Variants in IQCE observed in about 807,000 individuals in gnomAD.
The protein encoded by IQCE is IQ motif containing E, also known as IQ domain-containing protein E.
IQCE carries 115 observed loss-of-function variants against 96.0 expected under a neutral mutation model. The observed-to-expected ratio is 1.20, with a 90% CI of 1.03 to 1.40. The LOEUF (loss-of-function observed/expected upper bound fraction) is 1.40. IQCE is among the 40% of genes most tolerant of loss of function. IQCE has a pLI of 0.00. For missense variants in IQCE, 1,041 were observed against 909.1 expected (o/e 1.15, Z -1.87); for synonymous variants, 412 against 371.2 (o/e 1.11, Z -1.26).
rs1583533049 is a variant in IQCE at position 2,611,518 on chromosome 7, C to G, written c.*1356C>G. On this transcript the variant is annotated 3_prime_UTR_variant, in exon 22 of 22. Coordinates refer to ENST00000402050, the MANE Select transcript of IQCE (RefSeq NM_152558.5). The stretch of plus-strand genomic sequence containing the variant: ...GCAGCATGGCGGCCTTCTGAGTCAC[C>G]TAAGCTGAGCCTGGGTCATTCTCTG... The G allele has an allele frequency of 6.6e-6, 1 of 152,318 alleles. No individual in the cohort carries two copies. Among genetic ancestry groups the G allele is most frequent in the African/African-American group, 2.4e-5 (1 of 41,476 alleles). 9.4% of individuals were successfully genotyped at this position (152,318 alleles called of 1,614,324 possible).
At chr7:2,567,050 G>T in intron 1 of IQCE, 66 bp from the exon 2 acceptor site, 1 of 1,427,522 alleles carries the variant, frequency 7.0e-7, no homozygotes, top group Admixed American at 1.7e-5. Context: ...TTTCGCTTTT[G>T]TAAACGTGAT....
intron 2 of IQCE, 124 bp downstream of exon 2, chr7:2,567,287 C>A: frequency 1.3e-6 from 1 of 763,798 alleles, no homozygotes; most frequent in Non-Finnish European, 2.3e-6. Flanking sequence ...AATGCATATT[C>A]CGAATGCTCC....
intron 5 of IQCE, 142 bp downstream of exon 5, chr7:2,572,468 G>A (rs1429668572): frequency 9.0e-6 from 8 of 892,826 alleles, no homozygotes; most frequent in Middle Eastern, 3.3e-4. Context: ...TTGGGAGGTC[G>A]TGGGAGCAGT....
chr7:2,581,419 T>TG (rs1400788580), intron 8 of IQCE, among the ~76,000 whole-genome samples: 1 of 152,076 alleles, frequency 6.6e-6, no homozygotes, highest in Non-Finnish European at 1.5e-5. Flanking sequence ...TTGGCCAGGC[T>TG]GGTCTCAAAC....
intron 18 of IQCE, chr7:2,601,764 G>C: frequency 2.9e-6 from 1 of 340,302 alleles, no homozygotes; most frequent in Non-Finnish European, 5.4e-6. Flanking sequence ...TGGCCAGGAT[G>C]GTCTCCAACT....
Position 2,578,367 on chromosome 7 carries a change from G to A in IQCE, c.579+12G>A, listed in dbSNP as rs753028166. 5.0e-6 allele frequency: 8 copies of A among 1,613,332 alleles called. No homozygotes were observed. The South Asian group carries it at 7.7e-5, about 15-fold the overall frequency. On this transcript the variant is annotated intron_variant, in intron 7 of 21. Coordinates refer to ENST00000402050, the MANE Select transcript of IQCE (RefSeq NM_152558.5). The stretch of plus-strand genomic sequence containing the variant: ...TGGATCCCAGCCGCGTAAGCTCCTG[G>A]CGCTTCACGGACGGGGCAAGGGGAG...
chr7:2,559,521 G>T (rs2128422257), intron 1 of IQCE: 1 of 205,072 alleles, frequency 4.9e-6, no homozygotes, highest in South Asian at 1.9e-4. Flanking sequence ...AGCTCACGGT[G>T]TAAGTGCCTC....
intron 1 of IQCE, among the ~76,000 whole-genome samples, chr7:2,566,050 C>G (rs1457735183): frequency 6.6e-6 from 1 of 152,114 alleles, no homozygotes; most frequent in Non-Finnish European, 1.5e-5. Flanking sequence ...CAGTAGCATC[C>G]CATTATGATA....
intron 17 of IQCE, among the ~76,000 whole-genome samples, chr7:2,599,177 A>G (rs1188203751): frequency 6.6e-6 from 1 of 151,944 alleles, no homozygotes; most frequent in African/African-American, 2.4e-5. Flanking sequence ...TCTTTAACCA[A>G]CAGTTCACCC....
intron 16 of IQCE, 68 bp from the exon 17 acceptor site, chr7:2,598,397 C>G: frequency 2.1e-6 from 3 of 1,432,576 alleles, no homozygotes; most frequent in Non-Finnish European, 2.8e-6. Context: ...AATATCCTGT[C>G]CCCTTGCCGG....
intron 6 of IQCE, among the ~76,000 whole-genome samples, chr7:2,573,976 G>A (rs1392951448): frequency 6.6e-6 from 1 of 152,158 alleles, no homozygotes; most frequent in African/African-American, 2.4e-5. Flanking sequence ...TTAGTGGTCT[G>A]TCCAAGGTTA....
At chr7:2,599,694 C>T (rs1033754267) in intron 17 of IQCE, among the ~76,000 whole-genome samples, 6 of 151,952 alleles carry the variant, frequency 3.9e-5, no homozygotes, top group Middle Eastern at 3.2e-3. Flanking sequence ...GCTGTGTTGT[C>T]CAGGCTGGTC....
intron 21 of IQCE, among the ~76,000 whole-genome samples, chr7:2,608,267 G>A (rs796235103): frequency 5.9e-5 from 9 of 152,320 alleles, no homozygotes; most frequent in African/African-American, 1.9e-4. Flanking sequence ...CTGTGCTGAC[G>A]CGGAGTCACG....
intron 18 of IQCE, 105 bp from the exon 19 acceptor site, chr7:2,604,776 C>T (rs898581838): frequency 1.1e-5 from 8 of 743,364 alleles, no homozygotes; most frequent in Non-Finnish European, 1.4e-5. Context: ...AAGGGAGTCA[C>T]GTTCCCTGCT....
chr7:2,587,805 CG>C lies in IQCE; in HGVS notation c.989-16del. 6.2e-7 allele frequency: 1 copy of C among 1,613,618 alleles called. No homozygotes were observed. The highest frequency in any genetic ancestry group is 1.3e-5 in the African/African-American group (1 of 75,040). On this transcript the variant is annotated splice_polypyrimidine_tract_variant and intron_variant, in intron 12 of 21. Transcript: ENST00000402050. ...GCCCACCAGGATGCCGTTTTGAAACCGCATTGCTTCCATCAGGTTATGTGGA... is the reference window on the plus strand; with the variant it reads ...GCCCACCAGGATGCCGTTTTGAAACCCATTGCTTCCATCAGGTTATGTGGA...
At chr7:2,581,715 T>C (rs1309418985) in intron 8 of IQCE, among the ~76,000 whole-genome samples, 4 of 150,318 alleles carry the variant, frequency 2.7e-5, no homozygotes, top group Non-Finnish European at 3.0e-5. Flanking sequence ...AATGTTCTTT[T>C]TTTTTTTTTT....
At chr7:2,587,703 C>G (rs1783230092) in intron 12 of IQCE, 119 bp from the exon 13 acceptor site, 2 of 991,986 alleles carry the variant, frequency 2.0e-6, no homozygotes, top group Admixed American at 1.8e-5. Context: ...CGGTGTGGCT[C>G]TGCAGCCCCG....
chr7:2,607,985 G>A (rs1784951530), intron 21 of IQCE, among the ~76,000 whole-genome samples: 1 of 152,194 alleles, frequency 6.6e-6, no homozygotes. Flanking sequence ...GGGCTTTGCT[G>A]TGCTGAGTCC....
intron 8 of IQCE, among the ~76,000 whole-genome samples, chr7:2,581,037 G>C (rs1174233176): frequency 6.6e-6 from 1 of 152,030 alleles, no homozygotes; most frequent in Non-Finnish European, 1.5e-5. Flanking sequence ...TAGAGACGGG[G>C]TTTCACCGTG....
Sources: gnomAD v4.1 joint callset for allele counts (sites outside exome capture counted in the v4.1 genomes callset) on GRCh38, gnomAD v4.1.1 for gene constraint, MANE v1.5 for transcripts, NCBI Gene and HGNC (gene_info 2026-07-23, HGNC 2026-07-21) for gene names.